The following DLGAP2 variants were observed in gnomAD, a reference collection of about 807,000 sequenced individuals.
DLGAP2 encodes the protein DLG associated protein 2, also known as disks large-associated protein 2.
Under a neutral mutation model 100.3 loss-of-function variants are expected in DLGAP2, and 26 were observed. The observed-to-expected ratio is 0.26, with a 90% CI of 0.19 to 0.36. The LOEUF (loss-of-function observed/expected upper bound fraction) is 0.36. Ranked by LOEUF, DLGAP2 falls within the 10% of genes least tolerant of loss-of-function variation. The pLI is 1.00. For synonymous variants in DLGAP2, 886 were observed against 630.1 expected (o/e 1.41, Z -6.08); for missense variants, 1,858 against 1,453.2 (o/e 1.28, Z -4.53).
intron 3 of DLGAP2, among the ~76,000 whole-genome samples, chr8:1,264,149 G>A (rs1386158875): frequency 6.9e-6 from 1 of 144,790 alleles, no homozygotes; most frequent in African/African-American, 2.7e-5. Context: ...TCAGTGCATA[G>A]TTGAGCTTGG....
chr8:1,691,683 CCA>C lies in DLGAP2; in HGVS notation c.2796+60_2796+61del, dbSNP rs1799264906. On this transcript the variant is annotated intron_variant, in intron 13 of 14. Coordinates refer to ENST00000637795, the MANE Select transcript of DLGAP2 (RefSeq NM_001346810.2). The stretch of plus-strand genomic sequence containing the variant: ...TGTAACCAAGCTAATGGGCATCATT[CCA>C]CAGATTCTCATTGTTTTCTTCCTTG... 7 of 1,358,026 alleles carry C rather than the reference CCA, an allele frequency of 5.2e-6. No homozygotes were observed. The South Asian group carries it at 8.5e-5, about 17-fold the overall frequency. 84.1% of individuals were successfully genotyped at this position (1,358,026 alleles called of 1,614,324 possible).
chr8:1,242,132 T>C (rs375373948), intron 2 of DLGAP2, among the ~76,000 whole-genome samples: 35 of 152,330 alleles, frequency 2.3e-4, no homozygotes, highest in African/African-American at 7.0e-4. Flanking sequence ...AGAAATCCCA[T>C]AGCTTATATA....
intron 3 of DLGAP2, among the ~76,000 whole-genome samples, chr8:1,378,409 G>T (rs1032716884): frequency 2.9e-5 from 4 of 136,532 alleles, no homozygotes; most frequent in African/African-American, 8.5e-5. Context: ...ACCTGACTTC[G>T]CCTGTCCGTC....
chr8:1,359,028 C>G (rs1471721309), intron 3 of DLGAP2, among the ~76,000 whole-genome samples: 1 of 152,264 alleles, frequency 6.6e-6, no homozygotes, highest in South Asian at 2.1e-4. Flanking sequence ...GACCCTGCCC[C>G]CAGAGCTTCG....
Position 907,975 on chromosome 8 carries a change from A to C in DLGAP2, c.73+9A>C. The stretch of plus-strand genomic sequence containing the variant: ...ACCAGACAGGAATACAGGTAAATAC[A>C]TTTCATTCTTCTGATTTGGGATTAT... On this transcript the variant is annotated intron_variant, in intron 2 of 14. Coordinates refer to ENST00000637795, the MANE Select transcript of DLGAP2 (RefSeq NM_001346810.2). 2.5e-6 allele frequency: 1 copy of C among 399,000 alleles called. No homozygotes were observed. The highest frequency in any genetic ancestry group is 4.4e-6 in the Non-Finnish European group (1 of 226,042). 24.7% of individuals were successfully genotyped at this position (399,000 alleles called of 1,614,324 possible). A position where few individuals can be genotyped will look rare whatever the true frequency, so the allele number is the denominator to read the frequency against.
At chr8:1,089,896 C>T (rs1804114781) in intron 2 of DLGAP2, among the ~76,000 whole-genome samples, 1 of 152,192 alleles carries the variant, frequency 6.6e-6, no homozygotes. Flanking sequence ...CAAAGAGCTG[C>T]AGCTCTGAGC....
intron 3 of DLGAP2, among the ~76,000 whole-genome samples, chr8:1,501,122 T>C (rs1477538004): frequency 7.9e-5 from 12 of 152,170 alleles, no homozygotes; most frequent in Admixed American, 7.9e-4. Context: ...TCACTGCCTA[T>C]GTCCGTGTCT....
intron 8 of DLGAP2, among the ~76,000 whole-genome samples, chr8:1,655,768 A>T (rs1325454331): frequency 6.6e-6 from 1 of 152,208 alleles, no homozygotes; most frequent in Non-Finnish European, 1.5e-5. Context: ...CACCTTGAAG[A>T]CCTGAAGGAC....
chr8:1,189,567 A>C (rs1258643984), intron 2 of DLGAP2, among the ~76,000 whole-genome samples: 1 of 152,214 alleles, frequency 6.6e-6, no homozygotes, highest in Non-Finnish European at 1.5e-5. Context: ...AGACCAGCTT[A>C]AACTCTACCT....
chr8:1,201,251 G>C (rs944358588), intron 2 of DLGAP2, among the ~76,000 whole-genome samples: 1 of 152,226 alleles, frequency 6.6e-6, no homozygotes, highest in South Asian at 2.1e-4. Flanking sequence ...GATTGTGGAG[G>C]CTGGCAGGTC....
chr8:1,110,052 G>A (rs1260281307), intron 2 of DLGAP2, among the ~76,000 whole-genome samples: 1 of 141,796 alleles, frequency 7.1e-6, no homozygotes, highest in Non-Finnish European at 1.5e-5. Flanking sequence ...AAGTGTGCTG[G>A]GTCTGTGATG....
chr8:1,444,771 CTTTTTTTTTT>C (rs914045708), intron 3 of DLGAP2, among the ~76,000 whole-genome samples: 1 of 79,852 alleles, frequency 1.3e-5, no homozygotes, highest in Non-Finnish European at 2.2e-5. Context: ...CCAGGTCATT[CTTTTTTTTTT>C]TTTTTTTTTT....
chr8:1,601,269 C>A (rs1230711882), intron 6 of DLGAP2, among the ~76,000 whole-genome samples: 1 of 152,204 alleles, frequency 6.6e-6, no homozygotes, highest in Admixed American at 6.5e-5. Flanking sequence ...GGACTCCTGC[C>A]AGATGCCAGC....
At chr8:1,322,250 A>G (rs1019187530) in intron 3 of DLGAP2, among the ~76,000 whole-genome samples, 3 of 152,242 alleles carry the variant, frequency 2.0e-5, no homozygotes, top group African/African-American at 7.2e-5. Context: ...AGTATTTCAT[A>G]TTTTCCAAAA....
chr8:1,113,218 G>T (rs752296029), intron 2 of DLGAP2, among the ~76,000 whole-genome samples: 5 of 152,046 alleles, frequency 3.3e-5, no homozygotes, highest in Non-Finnish European at 7.4e-5. Context: ...TTTTACAATA[G>T]TTTTTTTCTA....
At chr8:1,182,022 G>C (rs900451846) in intron 2 of DLGAP2, among the ~76,000 whole-genome samples, 2 of 152,216 alleles carry the variant, frequency 1.3e-5, no homozygotes, top group African/African-American at 4.8e-5. Context: ...AAGCTGACGT[G>C]GGAGGTTGCA....
chr8:1,431,248 A>C (rs1797425396), intron 3 of DLGAP2, among the ~76,000 whole-genome samples: 1 of 152,224 alleles, frequency 6.6e-6, no homozygotes, highest in Admixed American at 6.5e-5. Context: ...CATCATTAGA[A>C]TCATTATGTG....
At chr8:853,597 G>A (rs1797221534) in intron 1 of DLGAP2, among the ~76,000 whole-genome samples, 1 of 152,168 alleles carries the variant, frequency 6.6e-6, no homozygotes, top group Non-Finnish European at 1.5e-5. Context: ...GACCCCCCAC[G>A]ACATCCAAGT....
At chr8:1,617,290 G>A (rs1290674758) in intron 6 of DLGAP2, among the ~76,000 whole-genome samples, 1 of 152,144 alleles carries the variant, frequency 6.6e-6, no homozygotes, top group Admixed American at 6.5e-5. Flanking sequence ...TTAGTTCTTT[G>A]AGGATTTGCC....
Sources: allele counts gnomAD v4.1 joint callset (sites outside exome capture counted in the v4.1 genomes callset), GRCh38; gene constraint gnomAD v4.1.1; transcripts MANE v1.5; gene names NCBI Gene and HGNC (gene_info 2026-07-23, HGNC 2026-07-21).